ERI3: variants seen among roughly 807,000 people sequenced by gnomAD.
ERI3 encodes the protein ERI1 exoribonuclease family member 3.
A neutral mutation model predicts 44.4 loss-of-function variants in ERI3; 18 were observed. That is an observed-to-expected ratio of 0.41 (90% CI 0.28 to 0.60). ERI3 has a LOEUF of 0.60. Among genes scored for constraint, ERI3 ranks in the 20% least tolerant of loss-of-function variants. ERI3 has a pLI of 0.36. For synonymous variants in ERI3, 183 were observed against 164.8 expected, an observed-to-expected ratio of 1.11 and a Z score of -0.84; for missense variants, 294 against 435.5, an observed-to-expected ratio of 0.68 and a Z score of 2.89.
At chr1:44,351,206 G>T (rs367880121) in intron 2 of ERI3, among the ~76,000 whole-genome samples, 3 of 152,000 alleles carry the variant, frequency 2.0e-5, no homozygotes, top group African/African-American at 7.2e-5. Flanking sequence ...GCTAATTTTT[G>T]TGTTTTTAGT....
At chr1:44,326,710 GAA>G (rs1186156404) in intron 3 of ERI3, among the ~76,000 whole-genome samples, 7 of 152,150 alleles carry the variant, frequency 4.6e-5, no homozygotes, top group African/African-American at 1.7e-4. Flanking sequence ...GCTGATGCTC[GAA>G]GTTTCAGGAC....
At chr1:44,332,683 C>T (rs911461056) in intron 3 of ERI3, among the ~76,000 whole-genome samples, 1 of 152,198 alleles carries the variant, frequency 6.6e-6, no homozygotes, top group East Asian at 1.9e-4. Flanking sequence ...TCGGCTTTCA[C>T]GTGAAGTTGC....
intron 8 of ERI3, among the ~76,000 whole-genome samples, chr1:44,224,136 C>CGCAGA (rs1643974954): frequency 6.6e-6 from 1 of 152,182 alleles, no homozygotes; most frequent in Non-Finnish European, 1.5e-5. Context: ...ATTTTCTCTT[C>CGCAGA]TTCTCTGCCT....
chr1:44,339,024 A>G, intron 3 of ERI3, 21 bp downstream of exon 3: 2 of 1,603,058 alleles, frequency 1.2e-6, no homozygotes, highest in Non-Finnish European at 1.7e-6. Flanking sequence ...ACCTTTTCTA[A>G]AGCAATGATG....
At chr1:44,305,635 G>A (rs1408124472) in intron 6 of ERI3, among the ~76,000 whole-genome samples, 1 of 152,226 alleles carries the variant, frequency 6.6e-6, no homozygotes. Flanking sequence ...TGATTTGTCA[G>A]GATGGGAGCA....
At chr1:44,271,386 C>G (rs527609559) in intron 7 of ERI3, among the ~76,000 whole-genome samples, 2 of 152,346 alleles carry the variant, frequency 1.3e-5, no homozygotes, top group African/African-American at 4.8e-5. Context: ...ATATACTCAT[C>G]TTTCAACACT....
chr1:44,255,821 G>A (rs1319007807), intron 7 of ERI3, among the ~76,000 whole-genome samples: 1 of 152,118 alleles, frequency 6.6e-6, no homozygotes, highest in Non-Finnish European at 1.5e-5. Flanking sequence ...TGCCCACCAA[G>A]TCCTGGGATT....
rs189403264 is a variant in ERI3, at chr1:44,325,516, G to A, written c.490-5772C>T. On this transcript the variant is annotated intron_variant, in intron 3 of 8. Transcript: ENST00000372257. ...AGAAATAAATGTGTAAGTTGCTTTCGGGGTATTCAAACTCCCTCCAACTGA... is the reference window on the plus strand; with the variant it reads ...AGAAATAAATGTGTAAGTTGCTTTCAGGGTATTCAAACTCCCTCCAACTGA... Among the ~76,000 whole-genome samples the A allele has an allele frequency of 7.2e-5, 11 of 152,204 alleles. No individual in the cohort carries two copies. The South Asian group carries it at 8.3e-4, about 11-fold the overall frequency.
intron 6 of ERI3, 28 bp from the exon 7 acceptor site, chr1:44,284,935 G>A (rs1645361515): frequency 9.4e-6 from 15 of 1,597,372 alleles, no homozygotes; most frequent in Non-Finnish European, 1.2e-5. Context: ...GAGAGAACAA[G>A]TTGGGCGCAT....
intron 8 of ERI3, among the ~76,000 whole-genome samples, chr1:44,242,490 G>C (rs1644461009): frequency 6.6e-6 from 1 of 152,166 alleles, no homozygotes. Flanking sequence ...GCCTTGAGTG[G>C]GGGTCCCCCA....
chr1:44,341,052 A>G (rs1237831192), intron 2 of ERI3, among the ~76,000 whole-genome samples: 1 of 152,236 alleles, frequency 6.6e-6, no homozygotes, highest in African/African-American at 2.4e-5. Flanking sequence ...AAGTGTAAAG[A>G]CTTCTGAAAG....
chr1:44,229,450 T>A (rs995733959), intron 8 of ERI3, among the ~76,000 whole-genome samples: 1 of 152,138 alleles, frequency 6.6e-6, no homozygotes, highest in African/African-American at 2.4e-5. Context: ...CCAGGCTGGG[T>A]ACATCCACAT....
At position 44,241,911 on chromosome 1, in the gene ERI3, T is replaced by C; in HGVS notation, c.931+6028A>G. ...TCACCCACCCATCTAGTCCATCAACTCACCCATCCATCTAGCCATTCTTCC... is the reference window on the plus strand; with the variant it reads ...TCACCCACCCATCTAGTCCATCAACCCACCCATCCATCTAGCCATTCTTCC... On this transcript the variant is annotated intron_variant, in intron 8 of 8. Transcript: ENST00000372257. The surrounding 1 kb of genome is among the most constrained non-coding windows in gnomAD (Gnocchi z 5.6). The C allele has an allele frequency of 3.1e-6, 3 of 980,972 alleles. No homozygotes were observed. The highest frequency in any genetic ancestry group is 1.2e-6 in the Non-Finnish European group (1 of 825,710). The allele number at this position is 980,972 out of a possible 1,614,324, so 60.8% of individuals were successfully genotyped here. A position where few individuals can be genotyped will look rare whatever the true frequency, so the allele number is the denominator to read the frequency against.
intron 7 of ERI3, among the ~76,000 whole-genome samples, chr1:44,281,284 G>A (rs1307995543): frequency 6.6e-6 from 1 of 152,002 alleles, no homozygotes; most frequent in Non-Finnish European, 1.5e-5. Flanking sequence ...CACACAGAAG[G>A]CATTCAAAAT....
At chr1:44,231,188 T>C (rs1403330164) in intron 8 of ERI3, among the ~76,000 whole-genome samples, 3 of 152,196 alleles carry the variant, frequency 2.0e-5, no homozygotes, top group Non-Finnish European at 4.4e-5. Flanking sequence ...AGGTGTGGAA[T>C]TTTCCACTTG....
intron 6 of ERI3, among the ~76,000 whole-genome samples, chr1:44,288,542 G>A (rs1645439676): frequency 6.6e-6 from 1 of 152,172 alleles, no homozygotes; most frequent in Non-Finnish European, 1.5e-5. Flanking sequence ...TGAGGAAGGT[G>A]GGTTAGAGTG....
At chr1:44,352,292 A>C (rs1210134374) in intron 2 of ERI3, among the ~76,000 whole-genome samples, 1 of 152,202 alleles carries the variant, frequency 6.6e-6, no homozygotes, top group East Asian at 1.9e-4. Context: ...CATTAGCAAA[A>C]GCCAAACGAG....
chr1:44,284,894 A>G lies in ERI3; in HGVS notation c.772T>C (p.Cys258Arg). The change falls in exon 7 of 9, where the codon TGC (cysteine) becomes CGC (arginine). Residue 258 changes from cysteine to arginine, a missense_variant. By Grantham distance (180) the Cys-to-Arg change is radical (BLOSUM62 -3). This residue lies in a region of ERI3 where 187 missense variants were observed against 338.6 expected (regional missense o/e 0.55). Transcript: ENST00000372257. Reference sequence around the variant, plus strand: ...GCCACTGGCAAGCCCAAGTACTGGCACTGGCCTGGGAGCCTACAAAAAAAA... The same window carrying G: ...GCCACTGGCAAGCCCAAGTACTGGCGCTGGCCTGGGAGCCTACAAAAAAAA... The part of the protein sequence containing the change: ...WDLKVMLPGQ[C>R]QYLGLPVADY... 1 of 1,614,110 alleles carries G rather than the reference A, an allele frequency of 6.2e-7. No individual in the cohort carries two copies. Among genetic ancestry groups the G allele is most frequent in the Non-Finnish European group, 8.5e-7 (1 of 1,179,982 alleles).
At chr1:44,328,405 C>T (rs925767570) in intron 3 of ERI3, among the ~76,000 whole-genome samples, 9 of 151,970 alleles carry the variant, frequency 5.9e-5, no homozygotes, top group Non-Finnish European at 1.3e-4. Flanking sequence ...CTGGCCTCCA[C>T]CCTTGCCTTT....
Sources: gnomAD v4.1 joint callset for allele counts (sites outside exome capture counted in the v4.1 genomes callset) on GRCh38, gnomAD v4.1.1 for gene constraint, gnomAD v4.1.1 regional missense constraint, Gnocchi (gnomAD v3.1) non-coding constraint, MANE v1.5 for transcripts, NCBI Gene and HGNC (gene_info 2026-07-23, HGNC 2026-07-21) for gene names.